PLAT: variants seen among roughly 807,000 people sequenced by gnomAD.
PLAT encodes tissue-type plasminogen activator.
In PLAT, 48 loss-of-function variants were observed where a neutral mutation model predicts 74.9. That is an observed-to-expected ratio of 0.64 (90% CI 0.51 to 0.82). The LOEUF (loss-of-function observed/expected upper bound fraction) is 0.82, where lower values mean the gene tolerates loss of function less well. Ranked by LOEUF, PLAT falls within the 40% of genes least tolerant of loss-of-function variation. The pLI, the probability that PLAT is intolerant of heterozygous loss-of-function variation, is 0.00. For synonymous variants in PLAT, 307 were observed against 294.4 expected (o/e 1.04, Z -0.44); for missense variants, 673 against 736.2 (o/e 0.91, Z 0.99).
chr8:42,179,968 A>G lies in PLAT; in HGVS notation c.1321T>C (p.Trp441Arg), dbSNP rs1051470894. 5 of 1,608,394 alleles carry G rather than the reference A, an allele frequency of 3.1e-6. No individual in the cohort carries two copies. Among genetic ancestry groups the G allele is most frequent in the Non-Finnish European group, 4.2e-6 (5 of 1,177,154 alleles). The change falls in exon 12 of 14, where the codon TGG becomes CGG. Residue 441 changes from tryptophan to arginine, a missense_variant. Physicochemically the swap from Trp to Arg is moderately radical, Grantham distance 101 (BLOSUM62 -3). Transcript: ENST00000220809. ...TAGCCGGAGAGCTCACACTCCGTCC[A>G]GTCCGGCAGCTGCAGGTCCGCCGGG... ...LPPADLQLPD[W>R]TECELSGYGK...
At chr8:42,191,321 C>G (rs770345914) in intron 3 of PLAT, 51 bp downstream of exon 3, 3 of 1,530,892 alleles carry the variant, frequency 2.0e-6, no homozygotes, top group Non-Finnish European at 2.7e-6. Flanking sequence ...CCCTGCACCC[C>G]GCCCTGCCTC....
chr8:42,187,471 A>C lies in PLAT; in HGVS notation c.466T>G (p.Leu156Val). The change falls in exon 6 of 14, where the codon TTG becomes GTG. Residue 156 changes from leucine (L) to valine (V), a missense_variant. Leu to Val is a conservative substitution (Grantham distance 32, BLOSUM62 1). Coordinates refer to ENST00000220809, the MANE Select transcript of PLAT (RefSeq NM_000930.5). ...CGCCCGCTGTAGGGCTTCTGGGCCA[A>C]CGCGCTGCTGTTCCAGTTGGTGCAC... ...AECTNWNSSA[L>V]AQKPYSGRRP... 1 of 1,608,806 alleles carries C rather than the reference A, an allele frequency of 6.2e-7. No individual in the cohort carries two copies. Among genetic ancestry groups the C allele is most frequent in the Non-Finnish European group, 8.5e-7 (1 of 1,179,798 alleles).
At chr8:42,201,845 G>C (rs1010962467) in intron 1 of PLAT, among the ~76,000 whole-genome samples, 3 of 152,202 alleles carry the variant, frequency 2.0e-5, no homozygotes, top group African/African-American at 7.2e-5. Flanking sequence ...CATCATGTGA[G>C]AGAAATAAGG....
rs1805751751 is a variant in PLAT, at chr8:42,193,170, T to G, written c.16A>C (p.Arg6=). ...AGCAGCAGCACACAGCAGAGCCCTCTCTTCATTGCATCCATGATTGCTTCA... is the reference window on the plus strand; with the variant it reads ...AGCAGCAGCACACAGCAGAGCCCTCGCTTCATTGCATCCATGATTGCTTCA... MDAMK[R]GLCCVLLLCG... Residue 6 remains arginine, a synonymous_variant, in exon 2 of 14, where the codon AGA becomes CGA. Transcript: ENST00000220809. The G allele has an allele frequency of 4.3e-6, 7 of 1,613,906 alleles. No homozygotes were observed. Among genetic ancestry groups the G allele is most frequent in the Non-Finnish European group, 5.9e-6 (7 of 1,179,830 alleles).
chr8:42,176,259 CAAT>C (rs1207117388), intron 13 of PLAT, 108 bp from the exon 14 acceptor site: 53 of 730,968 alleles, frequency 7.3e-5, no homozygotes, highest in Non-Finnish European at 2.2e-6. Flanking sequence ...GCAGGCCCTT[CAAT>C]AATATTCCAT....
At chr8:42,200,038 CTT>C (rs1806066881) in intron 1 of PLAT, among the ~76,000 whole-genome samples, 1 of 152,194 alleles carries the variant, frequency 6.6e-6, no homozygotes, top group Admixed American at 6.5e-5. Flanking sequence ...CATTATATGA[CTT>C]TACCCACATT....
intron 9 of PLAT, among the ~76,000 whole-genome samples, chr8:42,181,028 C>T (rs1479243189): frequency 6.6e-6 from 1 of 152,212 alleles, no homozygotes; most frequent in Non-Finnish European, 1.5e-5. Flanking sequence ...AATGTCTGCT[C>T]ATTTCTTTTC....
intron 1 of PLAT, among the ~76,000 whole-genome samples, chr8:42,198,049 G>A (rs1335462246): frequency 2.0e-5 from 3 of 152,162 alleles, no homozygotes; most frequent in African/African-American, 2.4e-5. Flanking sequence ...ATAGGAAAGC[G>A]AGGCCACATG....
intron 13 of PLAT, 128 bp from the exon 14 acceptor site, chr8:42,176,279 T>C: frequency 1.5e-6 from 1 of 657,306 alleles, no homozygotes; most frequent in South Asian, 2.1e-5. Context: ...CCATTCAGTG[T>C]CATTTCATTA....
chr8:42,188,498 T>G (rs1805569257), intron 4 of PLAT: 1 of 171,862 alleles, frequency 5.8e-6, no homozygotes, highest in Non-Finnish European at 1.2e-5. Flanking sequence ...CGAACAGGCC[T>G]GGAGGCTCCT....
intron 1 of PLAT, among the ~76,000 whole-genome samples, chr8:42,201,837 T>C (rs892011171): frequency 6.6e-6 from 1 of 152,180 alleles, no homozygotes; most frequent in Non-Finnish European, 1.5e-5. Context: ...GTCAGAGGCA[T>C]CATGTGAGAG....
intron 9 of PLAT, among the ~76,000 whole-genome samples, chr8:42,181,405 A>C (rs1302891343): frequency 2.0e-5 from 3 of 152,202 alleles, no homozygotes; most frequent in Non-Finnish European, 4.4e-5. Context: ...GAAACGTGGA[A>C]GATCTCACAG....
chr8:42,180,743 GT>G, intron 9 of PLAT, 58 bp from the exon 10 acceptor site: 2 of 1,312,266 alleles, frequency 1.5e-6, no homozygotes, highest in Non-Finnish European at 2.1e-6. Flanking sequence ...ACGTGTGTAG[GT>G]AGAGTGAGGA....
At chr8:42,176,456 C>T (rs1804978350) in intron 13 of PLAT, among the ~76,000 whole-genome samples, 1 of 152,196 alleles carries the variant, frequency 6.6e-6, no homozygotes, top group South Asian at 2.1e-4. Flanking sequence ...GTTAGTGGCT[C>T]TGCAATAGGA....
At chr8:42,202,676 G>A (rs1003792513) in intron 1 of PLAT, among the ~76,000 whole-genome samples, 4 of 152,196 alleles carry the variant, frequency 2.6e-5, no homozygotes, top group Non-Finnish European at 5.9e-5. Context: ...AGAGCTCATA[G>A]TTAGGAAGGG....
intron 9 of PLAT, among the ~76,000 whole-genome samples, chr8:42,181,613 T>G (rs1805242853): frequency 6.6e-6 from 1 of 152,234 alleles, no homozygotes; most frequent in African/African-American, 2.4e-5. Context: ...GAGCCATGCA[T>G]GCGAGGCCTC....
chr8:42,190,194 A>T (rs1181240642), intron 3 of PLAT, among the ~76,000 whole-genome samples: 5 of 152,166 alleles, frequency 3.3e-5, no homozygotes, highest in African/African-American at 1.2e-4. Context: ...TCCGCCTCCT[A>T]AAGTGCTGGA....
chr8:42,177,340 A>G (rs553706970), intron 13 of PLAT, among the ~76,000 whole-genome samples: 8 of 152,200 alleles, frequency 5.3e-5, no homozygotes, highest in East Asian at 3.9e-4. Flanking sequence ...CTAAGAACCT[A>G]TTTTTTCCAG....
chr8:42,179,653 G>A (rs1043192315), intron 12 of PLAT, among the ~76,000 whole-genome samples: 1 of 152,152 alleles, frequency 6.6e-6, no homozygotes, highest in African/African-American at 2.4e-5. Flanking sequence ...GAACCCACAC[G>A]CTTAGCGACT....
Sources: allele counts gnomAD v4.1 joint callset (sites outside exome capture counted in the v4.1 genomes callset), GRCh38; gene constraint gnomAD v4.1.1; transcripts MANE v1.5; gene names NCBI Gene and HGNC (gene_info 2026-07-23, HGNC 2026-07-21).